RAB3GAP2: variants seen among roughly 807,000 people sequenced by gnomAD.
The protein encoded by RAB3GAP2 is RAB3 GTPase activating non-catalytic protein subunit 2.
Under a neutral mutation model 185.3 loss-of-function variants are expected in RAB3GAP2, and 87 were observed. The observed-to-expected ratio is 0.47, with a 90% CI of 0.39 to 0.56. The LOEUF is 0.56. Ranked by LOEUF, RAB3GAP2 falls within the 20% of genes least tolerant of loss-of-function variation. RAB3GAP2 has a pLI of 0.00. For missense variants in RAB3GAP2, 1,492 were observed against 1,638.2 expected (o/e 0.91, Z 1.54); for synonymous variants, 554 against 576.1 (o/e 0.96, Z 0.55).
chr1:220,208,720 A>AT lies in RAB3GAP2; in HGVS notation c.612+1667dup, dbSNP rs200653028. ...TCCTATTAATTTCTTCTTCAAAACA[A>AT]TTTTTTTTTTTTTTGAGACGGAGTC... On this transcript the variant is annotated intron_variant, in intron 7 of 34. Transcript: ENST00000358951. Among the ~76,000 whole-genome samples the AT allele has an allele frequency of 4.7e-3, 695 of 146,588 alleles. 6 individuals carry two copies. Among genetic ancestry groups the AT allele is most frequent in the African/African-American group, 8.5e-3 (341 of 40,324 alleles).
chr1:220,207,136 A>G (rs934246578), intron 7 of RAB3GAP2, among the ~76,000 whole-genome samples: 5 of 152,232 alleles, frequency 3.3e-5, no homozygotes, highest in African/African-American at 1.2e-4. Flanking sequence ...CATCATTATA[A>G]ACATCACTGC....
intron 2 of RAB3GAP2, among the ~76,000 whole-genome samples, chr1:220,230,806 C>T (rs540539915): frequency 1.3e-5 from 2 of 152,254 alleles, no homozygotes; most frequent in South Asian, 4.1e-4. Context: ...TTTCAACAAT[C>T]GTGTTTTATC....
intron 7 of RAB3GAP2, among the ~76,000 whole-genome samples, chr1:220,209,785 C>A (rs1282821783): frequency 6.6e-6 from 1 of 152,132 alleles, no homozygotes; most frequent in Non-Finnish European, 1.5e-5. Flanking sequence ...ACTATGCACT[C>A]CGCAAAACAA....
At chr1:220,178,728 AAG>A (rs1168489430) in intron 21 of RAB3GAP2, among the ~76,000 whole-genome samples, 1 of 152,176 alleles carries the variant, frequency 6.6e-6, no homozygotes, top group African/African-American at 2.4e-5. Flanking sequence ...AGACAGAAAA[AAG>A]AGAGGAGTTA....
chr1:220,210,267 C>T, intron 7 of RAB3GAP2, 121 bp downstream of exon 7: 2 of 789,474 alleles, frequency 2.5e-6, no homozygotes, highest in Non-Finnish European at 4.6e-6. Context: ...ACTATGATAG[C>T]AGAGCTAACT....
rs1181576727 is a variant in RAB3GAP2 at position 220,158,720 on chromosome 1, C to T, written c.3261+666G>A. Among the ~76,000 whole-genome samples the T allele has an allele frequency of 2.6e-5, 4 of 151,946 alleles. No homozygotes were observed. Among genetic ancestry groups the T allele is most frequent in the East Asian group, 3.9e-4 (2 of 5,172 alleles). On this transcript the variant is annotated intron_variant, in intron 29 of 34. Transcript: ENST00000358951. This position sits in a 1 kb window ranked among gnomAD's most constrained non-coding sequence, Gnocchi z 4.3. ...CTTTCCAAAGTGCTAGGATTACAGG[C>T]GTGAGCCACCGCGCCCTGCCATATA...
chr1:220,265,441 C>T (rs1422431396), intron 1 of RAB3GAP2, among the ~76,000 whole-genome samples: 1 of 151,712 alleles, frequency 6.6e-6, no homozygotes, highest in African/African-American at 2.4e-5. Flanking sequence ...ATTATAATAC[C>T]CAAATTATCT....
At chr1:220,246,354 C>T (rs966206607) in intron 1 of RAB3GAP2, among the ~76,000 whole-genome samples, 16 of 149,766 alleles carry the variant, frequency 1.1e-4, no homozygotes, top group African/African-American at 3.2e-4. Flanking sequence ...TTGTGGAAGT[C>T]AGTGTGGCGA....
At chr1:220,270,052 G>A (rs146359130) in intron 1 of RAB3GAP2, among the ~76,000 whole-genome samples, 3 of 152,170 alleles carry the variant, frequency 2.0e-5, no homozygotes, top group Admixed American at 6.5e-5. Flanking sequence ...TACTGAAACT[G>A]TCCTAAGGTC....
At chr1:220,182,650 T>C in intron 20 of RAB3GAP2, 68 bp downstream of exon 20, 4 of 1,283,114 alleles carry the variant, frequency 3.1e-6, no homozygotes, top group Non-Finnish European at 4.3e-6. Context: ...TCTGAGATGC[T>C]ATATGTTCCT....
chr1:220,216,883 TTTTC>T (rs1241399692), intron 2 of RAB3GAP2, among the ~76,000 whole-genome samples: 8 of 152,094 alleles, frequency 5.3e-5, no homozygotes, highest in South Asian at 2.1e-4. Context: ...TAAAAGTTGC[TTTTC>T]TTTTTTTTTT....
chr1:220,258,425 T>C (rs1001817475), intron 1 of RAB3GAP2, among the ~76,000 whole-genome samples: 2 of 152,152 alleles, frequency 1.3e-5, no homozygotes, highest in Non-Finnish European at 2.9e-5. Context: ...GCAAGGTTGG[T>C]TCAACATATT....
intron 9 of RAB3GAP2, 35 bp from the exon 10 acceptor site, chr1:220,196,433 T>C (rs772525114): frequency 1.3e-6 from 2 of 1,542,730 alleles, no homozygotes; most frequent in East Asian, 2.3e-5. Context: ...GAATGTACAA[T>C]GTTATTGCGG....
In RAB3GAP2 at chr1:220,193,285, TAA is replaced by T; in HGVS notation, c.1223_1224del (p.Val408AspfsTer7). The T allele has an allele frequency of 6.2e-7, 1 of 1,614,034 alleles. No individual in the cohort carries two copies. Among genetic ancestry groups the T allele is most frequent in the South Asian group, 1.1e-5 (1 of 91,076 alleles). On this transcript the variant is annotated frameshift_variant, in exon 13 of 35. Coordinates refer to ENST00000358951, the MANE Select transcript of RAB3GAP2 (RefSeq NM_012414.4). LOFTEE classifies it high-confidence loss of function. ...ATTCCTCTAGCTACATCCAATAAAA[TAA>T]CTCTGCCGAAATCATCTGTTACTGC... ...LAAVTDDFGR[V>X]ILLDVARGIA...
intron 9 of RAB3GAP2, among the ~76,000 whole-genome samples, chr1:220,196,749 T>C (rs1261214353): frequency 6.6e-6 from 1 of 151,734 alleles, no homozygotes; most frequent in Admixed American, 6.6e-5. Flanking sequence ...GAGAATTGCT[T>C]GAACCTGGGA....
chr1:220,235,344 AGGCAGGCAACAAGGCTATCCCATT>A (rs1268360026), intron 1 of RAB3GAP2, among the ~76,000 whole-genome samples: 1 of 152,180 alleles, frequency 6.6e-6, no homozygotes, highest in Non-Finnish European at 1.5e-5. Context: ...TGTGAGTTTA[AGGCAGGCAACAAGGCTATCCCATT>A]TAAAGTTTCA....
At chr1:220,175,099 G>C (rs190050841) in intron 21 of RAB3GAP2, among the ~76,000 whole-genome samples, 62 of 152,184 alleles carry the variant, frequency 4.1e-4, no homozygotes, top group Non-Finnish European at 7.6e-4. Context: ...AGAAATGTTG[G>C]GGGAGAGCAG....
intron 1 of RAB3GAP2, chr1:220,253,616 G>A (rs1659979435): frequency 5.7e-6 from 9 of 1,578,006 alleles, no homozygotes; most frequent in East Asian, 4.5e-5. Context: ...GAGGGTGAGC[G>A]AGTGCTGTGC....
chr1:220,184,716 G>C (rs1312434495), intron 18 of RAB3GAP2, among the ~76,000 whole-genome samples: 1 of 151,996 alleles, frequency 6.6e-6, no homozygotes, highest in Non-Finnish European at 1.5e-5. Context: ...AATGGTGTTT[G>C]GTTTACTACC....
Sources: allele counts gnomAD v4.1 joint callset (sites outside exome capture counted in the v4.1 genomes callset), GRCh38; gene constraint gnomAD v4.1.1; non-coding constraint Gnocchi (gnomAD v3.1); transcripts MANE v1.5; gene names NCBI Gene and HGNC (gene_info 2026-07-23, HGNC 2026-07-21).